EPB41L4A: variants seen among roughly 807,000 people sequenced by gnomAD.
EPB41L4A encodes the protein band 4.1-like protein 4A.
A neutral mutation model predicts 108.6 loss-of-function variants in EPB41L4A; 100 were observed. That is an observed-to-expected ratio of 0.92 (90% CI 0.78 to 1.09). The LOEUF is 1.09. Among genes scored for constraint, EPB41L4A ranks in the 50% least tolerant of loss-of-function variants. The pLI, the probability that EPB41L4A is intolerant of heterozygous loss-of-function variation, is 0.00. For synonymous variants in EPB41L4A, 319 were observed against 289.0 expected (o/e 1.10, Z -1.05); for missense variants, 1,030 against 842.7 (o/e 1.22, Z -2.75).
intron 1 of EPB41L4A, among the ~76,000 whole-genome samples, chr5:112,330,690 A>G (rs1337495217): frequency 6.6e-6 from 1 of 151,754 alleles, no homozygotes; most frequent in Non-Finnish European, 1.5e-5. Context: ...TGTGGAACCC[A>G]TGTTTGCAAC....
intron 1 of EPB41L4A, among the ~76,000 whole-genome samples, chr5:112,360,807 G>A (rs420548): frequency 0.43 from 65,736 of 151,372 alleles, 15,387 homozygotes; most frequent in South Asian, 0.58. Context: ...CTGCCCGGCC[G>A]CCCATCTTCT....
chr5:112,200,191 C>T (rs1211317043), intron 15 of EPB41L4A, among the ~76,000 whole-genome samples: 1 of 152,152 alleles, frequency 6.6e-6, no homozygotes, highest in Non-Finnish European at 1.5e-5. Flanking sequence ...AATGCTTTTG[C>T]ACATGCTAGC....
chr5:112,330,800 A>G (rs1756513489), intron 1 of EPB41L4A, among the ~76,000 whole-genome samples: 1 of 152,084 alleles, frequency 6.6e-6, no homozygotes, highest in South Asian at 2.1e-4. Flanking sequence ...GTATCAATAT[A>G]TGTTAATATG....
chr5:112,166,442 G>T (rs1760253806), intron 22 of EPB41L4A, among the ~76,000 whole-genome samples: 1 of 152,052 alleles, frequency 6.6e-6, no homozygotes, highest in African/African-American at 2.4e-5. Flanking sequence ...TGGTCTTTCA[G>T]CTCCTCAAAT....
At chr5:112,214,583 G>A (rs938001576) in intron 12 of EPB41L4A, among the ~76,000 whole-genome samples, 1 of 152,040 alleles carries the variant, frequency 6.6e-6, no homozygotes, top group Non-Finnish European at 1.5e-5. Flanking sequence ...CTAAAGCAGT[G>A]AAACCCCATC....
intron 1 of EPB41L4A, among the ~76,000 whole-genome samples, chr5:112,400,864 A>C (rs1761702647): frequency 6.8e-6 from 1 of 147,828 alleles, no homozygotes; most frequent in African/African-American, 2.7e-5. Context: ...CATCACATGG[A>C]GACACAAAAT....
intron 9 of EPB41L4A, among the ~76,000 whole-genome samples, chr5:112,248,347 C>T (rs541031386): frequency 2.0e-5 from 3 of 152,306 alleles, no homozygotes; most frequent in Non-Finnish European, 2.9e-5. Flanking sequence ...CACAGATGAA[C>T]AGCTGCTTAA....
chr5:112,415,190 A>G (rs942131725), intron 1 of EPB41L4A, among the ~76,000 whole-genome samples: 2 of 152,162 alleles, frequency 1.3e-5, no homozygotes, highest in African/African-American at 4.8e-5. Context: ...GCTTATTAGG[A>G]AATTTCTAAC....
chr5:112,282,556 A>G (rs1217484078), intron 2 of EPB41L4A, among the ~76,000 whole-genome samples: 1 of 152,222 alleles, frequency 6.6e-6, no homozygotes, highest in Admixed American at 6.5e-5. Context: ...TCAAGATGTC[A>G]GCCTGCTGGG....
chr5:112,412,563 G>A (rs1309322247), intron 1 of EPB41L4A, among the ~76,000 whole-genome samples: 1 of 152,182 alleles, frequency 6.6e-6, no homozygotes, highest in African/African-American at 2.4e-5. Context: ...TAAACTGACT[G>A]GTTCCTGAAT....
chr5:112,156,958 G>C (rs1759668986), intron 12 of EPB41L4A, among the ~76,000 whole-genome samples: 1 of 152,142 alleles, frequency 6.6e-6, no homozygotes, highest in Admixed American at 6.5e-5. Flanking sequence ...GACAGTAATA[G>C]CCAAGACTTC....
chr5:112,268,246 C>T (rs1477419088), intron 4 of EPB41L4A, among the ~76,000 whole-genome samples: 7 of 152,200 alleles, frequency 4.6e-5, no homozygotes, highest in South Asian at 4.1e-4. Flanking sequence ...GGAGTGGTGG[C>T]GCATGCCGGT....
intron 2 of EPB41L4A, among the ~76,000 whole-genome samples, chr5:112,305,447 G>A (rs1199492808): frequency 6.6e-6 from 1 of 152,072 alleles, no homozygotes; most frequent in African/African-American, 2.4e-5. Flanking sequence ...TAAGACAAAT[G>A]CTTCTAAATG....
At chr5:112,388,133 G>A (rs973854293) in intron 1 of EPB41L4A, among the ~76,000 whole-genome samples, 6 of 152,024 alleles carry the variant, frequency 3.9e-5, no homozygotes, top group Non-Finnish European at 5.9e-5. Context: ...CCAACAAGGC[G>A]GCAAACTAAC....
At chr5:112,419,914 C>T (rs1463258811), upstream of EPB41L4A, 1 of 456,400 alleles carries the variant, frequency 2.2e-6, no homozygotes, top group East Asian at 7.0e-5. Flanking sequence ...GGACATTCAG[C>T]AAAGCGGGGA....
intron 1 of EPB41L4A, among the ~76,000 whole-genome samples, chr5:112,333,282 G>A (rs1004548375): frequency 6.6e-6 from 1 of 151,834 alleles, no homozygotes; most frequent in African/African-American, 2.4e-5. Context: ...GAAATATATT[G>A]GGGGGTGGGA....
chr5:112,359,718 T>C (rs965108036), intron 1 of EPB41L4A, among the ~76,000 whole-genome samples: 7 of 152,106 alleles, frequency 4.6e-5, no homozygotes, highest in African/African-American at 1.7e-4. Flanking sequence ...TTTTTTGTAT[T>C]TTTAGTAGAG....
At chr5:112,333,744 G>A (rs1045656852) in intron 1 of EPB41L4A, among the ~76,000 whole-genome samples, 2 of 152,128 alleles carry the variant, frequency 1.3e-5, no homozygotes, top group Non-Finnish European at 2.9e-5. Flanking sequence ...TTGCATAAAT[G>A]CTTTTCTGGC....
intron 2 of EPB41L4A, among the ~76,000 whole-genome samples, chr5:112,299,504 G>C (rs567617817): frequency 6.6e-6 from 1 of 152,254 alleles, no homozygotes; most frequent in South Asian, 2.1e-4. Flanking sequence ...TGTATATTCT[G>C]AAGTTGTTGG....
Sources: allele counts gnomAD v4.1 joint callset (sites outside exome capture counted in the v4.1 genomes callset), GRCh38; gene constraint gnomAD v4.1.1; transcripts MANE v1.5; gene names NCBI Gene and HGNC (gene_info 2026-07-23, HGNC 2026-07-21).